Variants in CPT1A observed in about 807,000 individuals in gnomAD.
CPT1A encodes carnitine palmitoyltransferase 1A, also known as carnitine O-palmitoyltransferase 1, liver isoform.
In CPT1A, 64 loss-of-function variants were observed where a neutral mutation model predicts 100.8. The ratio of observed to expected loss-of-function variants is 0.63; its 90% CI spans 0.52 to 0.78. The LOEUF is 0.78. CPT1A is among the 30% of genes least tolerant of loss of function. The pLI is 0.00. For synonymous variants in CPT1A, 363 were observed against 396.0 expected (o/e 0.92, Z 0.99); for missense variants, 802 against 1,034.1 (o/e 0.78, Z 3.08).
At chr11:68,793,499 A>T in intron 8 of CPT1A, 97 bp from the exon 9 acceptor site, 1 of 902,552 alleles carries the variant, frequency 1.1e-6, no homozygotes, top group Non-Finnish European at 1.7e-6. Flanking sequence ...TAATCCCAAC[A>T]CTTTGGGAGG....
At chr11:68,784,695 C>T in intron 10 of CPT1A, 120 bp downstream of exon 10, 1 of 980,342 alleles carries the variant, frequency 1.0e-6, no homozygotes, top group Non-Finnish European at 1.5e-6. Flanking sequence ...CAGAGAAAAA[C>T]AGAGCCGAGG....
Position 68,790,781 on chromosome 11 carries a change from A to C in CPT1A, c.967+2534T>G, listed in dbSNP as rs553802703. Among the ~76,000 whole-genome samples, 3 of 152,284 alleles carry C rather than the reference A, an allele frequency of 2.0e-5. No individual in the cohort carries two copies. In the East Asian group the frequency reaches 5.8e-4, roughly 29 times the overall value. On this transcript the variant is annotated intron_variant, in intron 9 of 18. Coordinates refer to ENST00000265641, the MANE Select transcript of CPT1A (RefSeq NM_001876.4). ...CAGGTACACTAAGTAACTAGGTTTTATCCCAGCATTTCCCTTGTTTATTGA... is the reference window on the plus strand; with the variant it reads ...CAGGTACACTAAGTAACTAGGTTTTCTCCCAGCATTTCCCTTGTTTATTGA...
intron 5 of CPT1A, among the ~76,000 whole-genome samples, chr11:68,802,163 G>T (rs1387003375): frequency 6.6e-6 from 1 of 152,084 alleles, no homozygotes; most frequent in Non-Finnish European, 1.5e-5. Context: ...ATGAGCTTTT[G>T]GGGGATGAAA....
chr11:68,762,515 A>G (rs1180998621), intron 15 of CPT1A, 112 bp downstream of exon 15: 2 of 1,388,894 alleles, frequency 1.4e-6, no homozygotes, highest in Non-Finnish European at 2.0e-6. Flanking sequence ...GAGCACCCCT[A>G]AAGAAGAAGG....
Position 68,754,950 on chromosome 11 carries a change from C to T in CPT1A, c.*2694G>A, listed in dbSNP as rs549398357. 65 of 734,136 alleles carry T rather than the reference C, an allele frequency of 8.9e-5. No individual in the cohort carries two copies. The highest frequency in any genetic ancestry group is 1.4e-4 in the Non-Finnish European group (54 of 388,210). The allele number at this position is 734,136 out of a possible 1,614,324, so 45.5% of individuals were successfully genotyped here. Reference sequence around the variant, plus strand: ...ATTCACACTGCATTTCTAAGATTTACATCCAAAGAGCATACTGTATTTACA... The same window carrying T: ...ATTCACACTGCATTTCTAAGATTTATATCCAAAGAGCATACTGTATTTACA... On this transcript the variant is annotated 3_prime_UTR_variant, in exon 19 of 19. Coordinates refer to ENST00000265641, the MANE Select transcript of CPT1A (RefSeq NM_001876.4).
At chr11:68,842,047 G>T (rs1313251519), upstream of CPT1A, 9 of 842,558 alleles carry the variant, frequency 1.1e-5, no homozygotes, top group Non-Finnish European at 1.3e-5. Context: ...TCGAGCGGGT[G>T]CTCGCGTCCT....
rs397515543 is a variant in CPT1A, at chr11:68,781,784, G to A, written c.1339C>T (p.Arg447Ter). 7.4e-6 allele frequency: 12 copies of A among 1,614,050 alleles called. No individual in the cohort carries two copies. The highest frequency in any genetic ancestry group is 2.2e-5 in the East Asian group (1 of 44,882). ...TAAGGACGGTACCTGTCGTAACATC[G>A]GCCGTGTAGTAGAGATTTGGCGTAG... is the stretch of plus-strand genomic sequence containing the variant. ...DSYAKSLLHG[R>*]CYDRWFDKSF... The change falls in exon 11 of 19, where the codon CGA (arginine) becomes TGA (stop). Residue 447 changes from arginine (R) to a stop codon, truncating the protein, a stop_gained. Coordinates refer to ENST00000265641, the MANE Select transcript of CPT1A (RefSeq NM_001876.4). LOFTEE classifies it high-confidence loss of function.
At chr11:68,821,787 CCGTATAGGTTTGGT>C (rs1412313377) in intron 1 of CPT1A, among the ~76,000 whole-genome samples, 1 of 152,070 alleles carries the variant, frequency 6.6e-6, no homozygotes. Flanking sequence ...ACAAAGCTGA[CCGTATAGGTTTGGT>C]TCTGTCCGCA....
rs1856748938 is a variant in CPT1A at position 68,826,954 on chromosome 11, C to A, written c.-13-11467G>T. Reference sequence around the variant, plus strand: ...GAGACTGGGATGGGCAGACGACAAGCCCAGGGCCAAGGGCGCAAAGCTCTT... The same window carrying A: ...GAGACTGGGATGGGCAGACGACAAGACCAGGGCCAAGGGCGCAAAGCTCTT... On this transcript the variant is annotated intron_variant, in intron 1 of 18. Transcript: ENST00000265641. Among the ~76,000 whole-genome samples, 3 of 152,152 alleles carry A rather than the reference C, an allele frequency of 2.0e-5. No homozygotes were observed. The South Asian group carries it at 6.2e-4, about 32-fold the overall frequency.
At chr11:68,763,812 C>CT (rs1854707749) in intron 14 of CPT1A, among the ~76,000 whole-genome samples, 1 of 152,090 alleles carries the variant, frequency 6.6e-6, no homozygotes, top group Non-Finnish European at 1.5e-5. Flanking sequence ...CTGTTGAATG[C>CT]TTTTTTTCCA....
chr11:68,806,505 A>T (rs1378782081), intron 4 of CPT1A, among the ~76,000 whole-genome samples: 11 of 151,994 alleles, frequency 7.2e-5, no homozygotes, highest in Admixed American at 7.2e-4. Flanking sequence ...GTGTACACCT[A>T]TAGTTCCAGC....
Position 68,807,500 on chromosome 11 carries a change from G to A in CPT1A, c.420C>T (p.His140=), listed in dbSNP as rs762136749. Residue 140 remains histidine (H), a synonymous_variant, in exon 4 of 19, where the codon CAC becomes CAT. Transcript: ENST00000265641. ...TCTTGGTGGCACGACTCATCTTGCCGTGCTCAGTGAACATCCACCCGTGGT... is the reference window on the plus strand; with the variant it reads ...TCTTGGTGGCACGACTCATCTTGCCATGCTCAGTGAACATCCACCCGTGGT... The part of the protein sequence containing the change: ...LSYHGWMFTE[H]GKMSRATKIW... The A allele has an allele frequency of 7.5e-5, 121 of 1,614,118 alleles. No homozygotes were observed. In the South Asian group the frequency reaches 8.6e-4, roughly 11 times the overall value.
chr11:68,839,742 CT>C, intron 1 of CPT1A: 1 of 984,192 alleles, frequency 1.0e-6, no homozygotes, highest in Non-Finnish European at 1.2e-6. Context: ...TGAATGAGCA[CT>C]CGGGGCCAGG....
At chr11:68,783,842 G>A (rs1211057634) in intron 10 of CPT1A, among the ~76,000 whole-genome samples, 2 of 152,164 alleles carry the variant, frequency 1.3e-5, no homozygotes, top group African/African-American at 2.4e-5. Context: ...CACCACACCT[G>A]CGAGAAAACC....
intron 3 of CPT1A, among the ~76,000 whole-genome samples, chr11:68,810,602 C>T (rs909469155): frequency 3.9e-5 from 6 of 152,082 alleles, no homozygotes; most frequent in African/African-American, 1.4e-4. Flanking sequence ...GCAGACCCTT[C>T]GCAAAAAGAG....
chr11:68,819,595 C>A (rs1290755781), intron 1 of CPT1A, among the ~76,000 whole-genome samples: 1 of 152,212 alleles, frequency 6.6e-6, no homozygotes, highest in East Asian at 1.9e-4. Flanking sequence ...AGCCAAGTCC[C>A]TCCAAAGTTA....
In CPT1A at chr11:68,783,276, C is replaced by T. The variant is rs562385589; in HGVS notation, c.1164-1317G>A. 5.3e-5 allele frequency among the ~76,000 whole-genome samples: 8 copies of T among 152,186 alleles called. No individual in the cohort carries two copies. The South Asian group carries it at 1.7e-3, about 32-fold the overall frequency. ...CCCACATTAACCTACTCATGCACCC[C>T]CGGCCCCACCCCACCCTACACCACC... On this transcript the variant is annotated intron_variant, in intron 10 of 18. Transcript: ENST00000265641.
chr11:68,760,451 A>C, intron 16 of CPT1A, 113 bp from the exon 17 acceptor site: 1 of 847,222 alleles, frequency 1.2e-6, no homozygotes, highest in Non-Finnish European at 1.9e-6. Context: ...TCCACACACC[A>C]CAAGTCTATG....
chr11:68,816,096 G>A (rs1023616365), intron 1 of CPT1A, among the ~76,000 whole-genome samples: 6 of 152,190 alleles, frequency 3.9e-5, no homozygotes, highest in Non-Finnish European at 7.3e-5. Flanking sequence ...AACTCGCACA[G>A]CACAGACAAA....
Sources: gnomAD v4.1 joint callset for allele counts (sites outside exome capture counted in the v4.1 genomes callset) on GRCh38, gnomAD v4.1.1 for gene constraint, MANE v1.5 for transcripts, NCBI Gene and HGNC (gene_info 2026-07-23, HGNC 2026-07-21) for gene names.